Variants in NCMAP observed in about 807,000 individuals in gnomAD.
The protein encoded by NCMAP is non-compact myelin associated protein, also known as noncompact myelin-associated protein.
A neutral mutation model predicts 7.8 loss-of-function variants in NCMAP; 8 were observed. The ratio of observed to expected loss-of-function variants is 1.02; its 90% CI spans 0.60 to 1.84. NCMAP has a LOEUF of 1.84. NCMAP is among the 40% of genes most tolerant of loss of function. The probability of loss-of-function intolerance (pLI) is 0.00; values close to 1 mark genes in which losing one functional copy is unlikely to be tolerated. For synonymous variants in NCMAP, 41 were observed against 52.9 expected (o/e 0.78, Z 0.98); for missense variants, 112 against 131.4 (o/e 0.85, Z 0.72).
rs2148941111 is a variant in NCMAP, at chr1:24,606,247, T to C, written c.*500T>C. ...CCAGAAAACCTTGTTAACGTATAACTTGTTCCAGTACTACATCTCTGCCTG... is the reference window on the plus strand; with the variant it reads ...CCAGAAAACCTTGTTAACGTATAACCTGTTCCAGTACTACATCTCTGCCTG... On this transcript the variant is annotated 3_prime_UTR_variant, in exon 4 of 4. Coordinates refer to ENST00000374392, the MANE Select transcript of NCMAP (RefSeq NM_001010980.5). 1 of 153,298 alleles carries C rather than the reference T, an allele frequency of 6.5e-6. No homozygotes were observed. 9.5% of individuals were successfully genotyped at this position (153,298 alleles called of 1,614,324 possible).
In NCMAP at chr1:24,569,031, T is replaced by TTTTG. The variant is rs1557593748; in HGVS notation, c.-8+12865_-8+12866insGTTT. Among the ~76,000 whole-genome samples, 19 of 151,628 alleles carry TTTTG rather than the reference T, an allele frequency of 1.3e-4. 1 individual carries two copies. Among genetic ancestry groups the TTTTG allele is most frequent in the African/African-American group, 2.9e-4 (12 of 41,324 alleles). ...TATTTGTTTTGTTTTGTTTTGTTTT[T>TTTTG]TTTTGGAGACTTGCTCTGTCGCCCA... On this transcript the variant is annotated intron_variant, in intron 1 of 3. Transcript: ENST00000374392.
chr1:24,584,930 C>T (rs1287303346), intron 1 of NCMAP, among the ~76,000 whole-genome samples: 1 of 118,568 alleles, frequency 8.4e-6, no homozygotes, highest in Non-Finnish European at 1.6e-5. Flanking sequence ...GACAGATGGA[C>T]AGAAGAACGG....
chr1:24,563,534 C>CAAAAAAAAA (rs57911205), intron 1 of NCMAP: 4 of 125,426 alleles, frequency 3.2e-5, no homozygotes, highest in African/African-American at 5.6e-5. Flanking sequence ...AAAACAACAA[C>CAAAAAAAAA]AAAAAAAAAA....
intron 3 of NCMAP, among the ~76,000 whole-genome samples, chr1:24,603,752 A>G (rs57719563): frequency 0.054 from 8,231 of 152,276 alleles, 765 homozygotes; most frequent in African/African-American, 0.19. Context: ...CAAATGGTTC[A>G]CGGTTCTAAA....
At position 24,569,649 on chromosome 1, in the gene NCMAP, T is replaced by G. The variant is rs114746198; in HGVS notation, c.-8+13480T>G. Among the ~76,000 whole-genome samples, 1,381 of 150,804 alleles carry G rather than the reference T, an allele frequency of 9.2e-3. 127 individuals carry two copies. Among genetic ancestry groups the G allele is most frequent in the African/African-American group, 0.034 (1,353 of 40,094 alleles). On this transcript the variant is annotated intron_variant, in intron 1 of 3. Transcript: ENST00000374392. ...CTGTGTGACCTCAGGATACTTAGTC[T>G]CTCTGGGCCTCAGTTTCTCTACCTG...
intron 2 of NCMAP, among the ~76,000 whole-genome samples, chr1:24,597,623 GAAAGAAAGAAAGAA>G (rs1557602521): frequency 1.1e-3 from 100 of 91,516 alleles, no homozygotes; most frequent in African/African-American, 5.3e-3. Flanking sequence ...GAAAGAGAAA[GAAAGAAAGAAAGAA>G]AGAAAGAAAG....
intron 1 of NCMAP, among the ~76,000 whole-genome samples, chr1:24,569,214 A>C (rs972069391): frequency 6.6e-6 from 1 of 151,798 alleles, no homozygotes; most frequent in African/African-American, 2.4e-5. Flanking sequence ...GGCTGGTCTC[A>C]AACTTCTGAC....
chr1:24,590,403 A>G (rs566239994), intron 1 of NCMAP, among the ~76,000 whole-genome samples: 1 of 152,276 alleles, frequency 6.6e-6, no homozygotes, highest in South Asian at 2.1e-4. Context: ...AAGGAATTGT[A>G]TGAAAGCCTC....
intron 1 of NCMAP, among the ~76,000 whole-genome samples, chr1:24,574,134 T>A (rs1271384566): frequency 1.3e-5 from 2 of 149,738 alleles, no homozygotes; most frequent in Non-Finnish European, 2.9e-5. Flanking sequence ...AGGGGTTTTT[T>A]TTTTTTAGAC....
chr1:24,564,541 A>AAAAAAAAAAG (rs1651161577), intron 1 of NCMAP, among the ~76,000 whole-genome samples: 1 of 150,102 alleles, frequency 6.7e-6, no homozygotes, highest in Non-Finnish European at 1.5e-5. Flanking sequence ...AACAAAAAAA[A>AAAAAAAAAAG]ACCTGAGAGA....
intron 3 of NCMAP, among the ~76,000 whole-genome samples, chr1:24,604,635 T>A (rs1334250355): frequency 1.5e-4 from 11 of 75,652 alleles, no homozygotes; most frequent in East Asian, 8.2e-4. Flanking sequence ...TATATATATA[T>A]ATATATATAT....
At chr1:24,587,508 C>CTTCTT (rs1477163553) in intron 1 of NCMAP, among the ~76,000 whole-genome samples, 5 of 151,982 alleles carry the variant, frequency 3.3e-5, no homozygotes, top group Non-Finnish European at 7.4e-5. Flanking sequence ...TCAAAGGTGC[C>CTTCTT]TTCTTTTCTT....
chr1:24,601,401 A>G (rs752549612), intron 3 of NCMAP, among the ~76,000 whole-genome samples: 4 of 152,204 alleles, frequency 2.6e-5, no homozygotes, highest in Admixed American at 2.0e-4. Context: ...TACTGGAAGC[A>G]TGTACCCTGA....
chr1:24,608,790 G>T lies in NCMAP; in HGVS notation c.*3043G>T. 6.5e-6 allele frequency: 1 copy of T among 152,844 alleles called. No individual in the cohort carries two copies. Among genetic ancestry groups the T allele is most frequent in the Non-Finnish European group, 1.5e-5 (1 of 68,432 alleles). The allele number at this position is 152,844 out of a possible 1,614,324, so 9.5% of individuals were successfully genotyped here. On this transcript the variant is annotated 3_prime_UTR_variant, in exon 4 of 4. Transcript: ENST00000374392. ...GCACGCCTGTATTCCCAGCTACTTG[G>T]GAGGCTGAGGTAGGAGGATGGCTTG...
At chr1:24,573,879 G>A (rs1433911797) in intron 1 of NCMAP, among the ~76,000 whole-genome samples, 1 of 146,666 alleles carries the variant, frequency 6.8e-6, no homozygotes, top group Non-Finnish European at 1.5e-5. Flanking sequence ...GAGCGAGTCT[G>A]AGTGGACTAG....
chr1:24,566,953 G>GT (rs1478819593), intron 1 of NCMAP, among the ~76,000 whole-genome samples: 5 of 152,196 alleles, frequency 3.3e-5, no homozygotes, highest in Middle Eastern at 6.8e-3. Context: ...AAATATCCTG[G>GT]TTTTTTACTA....
intron 1 of NCMAP, among the ~76,000 whole-genome samples, chr1:24,588,315 CT>C (rs1651948889): frequency 6.6e-6 from 1 of 152,188 alleles, no homozygotes; most frequent in South Asian, 2.1e-4. Flanking sequence ...TAGTGAGCCA[CT>C]TGTCTGTGGA....
chr1:24,602,321 T>TTTATAAAGGGAGCTGCTAGGTGTGGTGG (rs1390180480), intron 3 of NCMAP, among the ~76,000 whole-genome samples: 7 of 149,556 alleles, frequency 4.7e-5, no homozygotes, highest in African/African-American at 1.8e-4. Flanking sequence ...ATGAATATTA[T>TTTATAAAGGGAGCTGCTAGGTGTGGTGG]CCTGTAATCC....
At chr1:24,561,233 G>C (rs1053853028) in intron 1 of NCMAP, among the ~76,000 whole-genome samples, 4 of 149,732 alleles carry the variant, frequency 2.7e-5, no homozygotes, top group Admixed American at 1.3e-4. Flanking sequence ...TGTAATCTCA[G>C]CTACTTGGAA....
Sources: gnomAD v4.1 joint callset for allele counts (sites outside exome capture counted in the v4.1 genomes callset) on GRCh38, gnomAD v4.1.1 for gene constraint, MANE v1.5 for transcripts, NCBI Gene and HGNC (gene_info 2026-07-23, HGNC 2026-07-21) for gene names.